NTM: variants seen among roughly 807,000 people sequenced by gnomAD.
NTM encodes the protein neurotrimin, also known as IgLON family member 2.
In NTM, 13 loss-of-function variants were observed where a neutral mutation model predicts 42.1. The ratio of observed to expected loss-of-function variants is 0.31; its 90% CI spans 0.20 to 0.49. The LOEUF is 0.49. NTM is among the 20% of genes least tolerant of loss of function. The pLI is 0.99. For synonymous variants in NTM, 187 were observed against 179.2 expected, an observed-to-expected ratio of 1.04 and a Z score of -0.35; for missense variants, 373 against 452.8, an observed-to-expected ratio of 0.82 and a Z score of 1.60.
intron 4 of NTM, chr11:132,284,951 A>G (rs2094168634): frequency 6.6e-6 from 1 of 152,456 alleles, no homozygotes; most frequent in African/African-American, 2.4e-5. Context: ...CACAGCTCCA[A>G]GAGAGGTGGG....
intron 2 of NTM, among the ~76,000 whole-genome samples, chr11:132,048,921 C>T (rs765929887): frequency 8.6e-5 from 13 of 150,722 alleles, no homozygotes; most frequent in African/African-American, 1.2e-4. Flanking sequence ...TCTGAAGAGT[C>T]GGCCCTTACC....
chr11:131,682,836 G>A (rs2073197007), intron 1 of NTM, among the ~76,000 whole-genome samples: 1 of 152,124 alleles, frequency 6.6e-6, no homozygotes, highest in Admixed American at 6.6e-5. Context: ...AGTACCTACT[G>A]GATCACGGTG....
intron 1 of NTM, among the ~76,000 whole-genome samples, chr11:131,828,549 G>T (rs80353839): frequency 1.3e-4 from 19 of 151,116 alleles, no homozygotes; most frequent in Non-Finnish European, 2.8e-4. Flanking sequence ...ATTAATTCTG[G>T]TATTGCCACC....
chr11:131,789,512 G>GA (rs2090163780), intron 1 of NTM, among the ~76,000 whole-genome samples: 1 of 15,188 alleles, frequency 6.6e-5, no homozygotes, highest in African/African-American at 3.5e-4. Context: ...AGAAGAAGAA[G>GA]AAGAAGAAGA....
intron 1 of NTM, among the ~76,000 whole-genome samples, chr11:131,382,561 T>C (rs2135530370): frequency 6.6e-6 from 1 of 152,314 alleles, no homozygotes; most frequent in African/African-American, 2.4e-5. Context: ...CTAATGAATC[T>C]ATGTGGAACA....
intron 1 of NTM, among the ~76,000 whole-genome samples, chr11:131,842,233 C>T (rs975079418): frequency 7.2e-5 from 11 of 152,128 alleles, no homozygotes; most frequent in Admixed American, 2.0e-4. Context: ...CTGGAACAGA[C>T]GGTGGTCTTT....
At chr11:131,633,788 T>TCACACA (rs56371727) in intron 1 of NTM, among the ~76,000 whole-genome samples, 10 of 55,150 alleles carry the variant, frequency 1.8e-4, no homozygotes, top group Non-Finnish European at 3.3e-4. Context: ...TCTCTCTCTC[T>TCACACA]CACACACACA....
intron 1 of NTM, among the ~76,000 whole-genome samples, chr11:131,474,534 G>A (rs1952739556): frequency 1.3e-5 from 2 of 151,952 alleles, no homozygotes; most frequent in African/African-American, 4.8e-5. Flanking sequence ...TATGCCTCAG[G>A]CTCTTTATAT....
intron 2 of NTM, among the ~76,000 whole-genome samples, chr11:131,971,283 C>T (rs1402865629): frequency 6.6e-6 from 1 of 152,162 alleles, no homozygotes; most frequent in Non-Finnish European, 1.5e-5. Context: ...TAAAATGACA[C>T]CTCACTGTTA....
chr11:131,402,910 T>G (rs188768941), intron 1 of NTM, among the ~76,000 whole-genome samples: 1 of 152,104 alleles, frequency 6.6e-6, no homozygotes, highest in Admixed American at 6.6e-5. Context: ...AGAAAGAAAT[T>G]TAAGGGGTGA....
At chr11:132,026,521 AT>A (rs1055466803) in intron 2 of NTM, among the ~76,000 whole-genome samples, 4 of 151,844 alleles carry the variant, frequency 2.6e-5, no homozygotes, top group African/African-American at 9.7e-5. Flanking sequence ...CATCAGAGGT[AT>A]TTTTTTTCCT....
intron 3 of NTM, among the ~76,000 whole-genome samples, chr11:132,195,957 A>AACTT (rs1406864016): frequency 6.6e-6 from 1 of 152,078 alleles, no homozygotes; most frequent in Non-Finnish European, 1.5e-5. Flanking sequence ...TTGACAAGTG[A>AACTT]GACCTAATTA....
chr11:131,605,980 T>C (rs1223038956), intron 1 of NTM: 4 of 729,498 alleles, frequency 5.5e-6, no homozygotes, highest in Non-Finnish European at 6.7e-6. Flanking sequence ...TTTTTCTTTC[T>C]CTGCCTCTCT....
intron 1 of NTM, chr11:131,910,960 G>C (rs949099349): frequency 2.3e-5 from 23 of 995,294 alleles, no homozygotes; most frequent in Non-Finnish European, 2.8e-5. Flanking sequence ...CTTCCCATCT[G>C]CTATTGTTTC....
rs944160826 is a variant in NTM at position 131,873,959 on chromosome 11, T to A, written c.83-37605T>A. On this transcript the variant is annotated intron_variant, in intron 1 of 8. Coordinates refer to ENST00000683400, the MANE Select transcript of NTM (RefSeq NM_001352005.2). ...TGCTGAGAATGATGGTTTCCAGCTTTTATATATATATTATATATTATATAT... is the reference window on the plus strand; with the variant it reads ...TGCTGAGAATGATGGTTTCCAGCTTATATATATATATTATATATTATATAT... Among the ~76,000 whole-genome samples the A allele has an allele frequency of 3.4e-4, 44 of 129,716 alleles. No individual in the cohort carries two copies. The South Asian group carries it at 8.6e-3, about 25-fold the overall frequency. 85.1% of individuals were successfully genotyped at this position (129,716 alleles called of 152,430 possible). A position where few individuals can be genotyped will look rare whatever the true frequency, so the allele number is the denominator to read the frequency against.
intron 1 of NTM, among the ~76,000 whole-genome samples, chr11:131,754,069 G>A (rs2082955078): frequency 7.0e-6 from 1 of 142,240 alleles, no homozygotes; most frequent in Admixed American, 7.6e-5. Context: ...ACTCATAGGT[G>A]GGAATTGAAC....
At chr11:132,300,051 ATTATAT>A (rs1394257440) in intron 4 of NTM, among the ~76,000 whole-genome samples, 7 of 152,154 alleles carry the variant, frequency 4.6e-5, no homozygotes, top group African/African-American at 1.7e-4. Flanking sequence ...ATCATGAGAA[ATTATAT>A]TTATTATCAA....
intron 1 of NTM, among the ~76,000 whole-genome samples, chr11:131,623,917 T>G (rs1386622183): frequency 1.3e-5 from 2 of 152,234 alleles, no homozygotes; most frequent in African/African-American, 4.8e-5. Flanking sequence ...ATGAAGGGCC[T>G]ACCCTGGCCG....
At chr11:132,155,981 C>T (rs1306935235) in intron 3 of NTM, among the ~76,000 whole-genome samples, 3 of 152,144 alleles carry the variant, frequency 2.0e-5, no homozygotes, top group Non-Finnish European at 2.9e-5. Context: ...CCAGGCTTTG[C>T]TGTTGCAGAA....
Sources: gnomAD v4.1 joint callset for allele counts (sites outside exome capture counted in the v4.1 genomes callset) on GRCh38, gnomAD v4.1.1 for gene constraint, MANE v1.5 for transcripts, NCBI Gene and HGNC (gene_info 2026-07-23, HGNC 2026-07-21) for gene names.